ZNF782: variants seen among roughly 807,000 people sequenced by gnomAD.
ZNF782 encodes zinc finger protein 782.
A neutral mutation model predicts 13.0 loss-of-function variants in ZNF782; 12 were observed. The observed-to-expected ratio is 0.92, with a 90% confidence interval of 0.59 to 1.50. The LOEUF is 1.50. ZNF782 is among the 40% of genes most tolerant of loss of function. The pLI is 0.00. For missense variants in ZNF782, 770 were observed against 822.9 expected (o/e 0.94, Z 0.79); for synonymous variants, 284 against 283.0 (o/e 1.00, Z -0.04).
the ZNF782 span, among the ~76,000 whole-genome samples, chr9:96,885,071 T>A: frequency 2.6e-5 from 4 of 151,752 alleles, no homozygotes; most frequent in Non-Finnish European, 4.4e-5. Flanking sequence ...TTAAATAGAA[T>A]TCACAGTCTC....
chr9:96,827,912 A>G (rs1850679399), intron 4 of ZNF782, among the ~76,000 whole-genome samples: 1 of 152,230 alleles, frequency 6.6e-6, no homozygotes, highest in Non-Finnish European at 1.5e-5. Context: ...GAGAGTTGCC[A>G]AACCAGAGCG....
chr9:96,857,670 C>T (rs79040388), upstream of ZNF782, among the ~76,000 whole-genome samples: 1 of 152,152 alleles, frequency 6.6e-6, no homozygotes, highest in Non-Finnish European at 1.5e-5. Flanking sequence ...ACTGCAGGCT[C>T]TCTGAGAACA....
chr9:96,823,760 T>C (rs906134231), intron 5 of ZNF782, among the ~76,000 whole-genome samples: 20 of 152,370 alleles, frequency 1.3e-4, no homozygotes, highest in African/African-American at 3.6e-4. Flanking sequence ...TAGCATTTTC[T>C]CTTAATAGGT....
chr9:96,819,478 G>A lies in ZNF782; in HGVS notation c.545C>T (p.Thr182Ile), dbSNP rs1563993138. The A allele has an allele frequency of 6.2e-7, 1 of 1,613,892 alleles. No homozygotes were observed. The highest frequency in any genetic ancestry group is 2.2e-5 in the East Asian group (1 of 44,876). Reference sequence around the variant, plus strand: ...ACTATAAGCGAAAGATTTCTCTTGAGTGTTAGTTCTGCCATCCTTAATACT... The same window carrying A: ...ACTATAAGCGAAAGATTTCTCTTGAATGTTAGTTCTGCCATCCTTAATACT... The part of the protein sequence containing the change: ...LISIKDGRTN[T>I]QEKSFAYSKI... Residue 182 changes from threonine to isoleucine, a missense_variant, in exon 6 of 6, where the codon ACT (threonine) becomes ATT (isoleucine). Physicochemically the swap from Thr to Ile is moderately conservative, Grantham distance 89. Transcript: ENST00000481138.
At chr9:96,875,701 C>T, upstream of ZNF782, 1 of 418,012 alleles carries the variant, frequency 2.4e-6, no homozygotes, top group South Asian at 1.7e-5. Context: ...ATCCTGGGGT[C>T]CCCCCGGGCT....
chr9:96,822,115 T>C (rs768262995), intron 5 of ZNF782, among the ~76,000 whole-genome samples: 3 of 152,134 alleles, frequency 2.0e-5, no homozygotes, highest in Non-Finnish European at 4.4e-5. Context: ...CAAAATTACC[T>C]CCTCTTTCCT....
intron 5 of ZNF782, among the ~76,000 whole-genome samples, chr9:96,821,083 ATTT>A (rs1850402627): frequency 6.6e-6 from 1 of 152,228 alleles, no homozygotes; most frequent in Non-Finnish European, 1.5e-5. Flanking sequence ...TCCTGTGTAT[ATTT>A]GACTGCTATT....
the ZNF782 span, among the ~76,000 whole-genome samples, chr9:96,899,494 A>G: frequency 1.3e-5 from 2 of 152,228 alleles, no homozygotes; most frequent in East Asian, 3.8e-4. Flanking sequence ...CATAGGTACT[A>G]TATTGGTTCA....
upstream of ZNF782, among the ~76,000 whole-genome samples, chr9:96,857,467 C>A (rs1026163820): frequency 5.3e-5 from 8 of 152,308 alleles, no homozygotes; most frequent in Admixed American, 2.0e-4. Flanking sequence ...ACCTGTCATT[C>A]CTAAGAGTTC....
chr9:96,826,134 G>T (rs1850610819), intron 5 of ZNF782, among the ~76,000 whole-genome samples: 1 of 152,160 alleles, frequency 6.6e-6, no homozygotes, highest in Admixed American at 6.5e-5. Flanking sequence ...CAATAGCAAA[G>T]ACTTGGAACC....
At chr9:96,892,846 T>C in the ZNF782 span, 36 of 152,186 alleles carry the variant, frequency 2.4e-4, no homozygotes, top group Admixed American at 2.1e-3. Context: ...CATGTCTGTA[T>C]TTTTAACAAT....
At chr9:96,852,099 G>A (rs2118812848) in intron 2 of ZNF782, 94 bp from the exon 3 acceptor site, 2 of 778,406 alleles carry the variant, frequency 2.6e-6, no homozygotes, top group Non-Finnish European at 4.3e-6. Context: ...TTGGAGAGCA[G>A]CCTTCCTAAG....
the ZNF782 span, chr9:96,887,336 A>AGGAAGGACGGAC: frequency 6.8e-6 from 1 of 146,098 alleles, no homozygotes; most frequent in African/African-American, 2.5e-5. Flanking sequence ...GAAGGAAGGA[A>AGGAAGGACGGAC]GGAAGAAAGA....
chr9:96,866,370 G>A (rs1851754102), intron 1 of ZNF782, among the ~76,000 whole-genome samples: 3 of 152,310 alleles, frequency 2.0e-5, no homozygotes, highest in Admixed American at 1.3e-4. Context: ...GAGGGTGGAA[G>A]CCCCAAGCCT....
the ZNF782 span, among the ~76,000 whole-genome samples, chr9:96,882,561 AT>A: frequency 1.3e-5 from 2 of 152,146 alleles, no homozygotes; most frequent in Non-Finnish European, 2.9e-5. Context: ...CTCCCATTTT[AT>A]TTAAAAAGGT....
At position 96,852,833 on chromosome 9, in the gene ZNF782, A is replaced by C. The variant is rs1325286990; in HGVS notation, c.-45+20T>G. 1 of 152,684 alleles carries C rather than the reference A, an allele frequency of 6.5e-6. No individual in the cohort carries two copies. Among genetic ancestry groups the C allele is most frequent in the Non-Finnish European group, 1.5e-5 (1 of 68,052 alleles). The allele number at this position is 152,684 out of a possible 1,614,324, so 9.5% of individuals were successfully genotyped here. ...TATTTCTCAAAAGGCCCTTTGGATA[A>C]GATGCTTTTGGTGACTCACCTGTGA... On this transcript the variant is annotated intron_variant, in intron 2 of 5. Coordinates refer to ENST00000481138, the MANE Select transcript of ZNF782 (RefSeq NM_001001662.3).
chr9:96,830,839 A>G (rs1850776135), intron 4 of ZNF782, among the ~76,000 whole-genome samples: 1 of 152,230 alleles, frequency 6.6e-6, no homozygotes, highest in Non-Finnish European at 1.5e-5. Flanking sequence ...AATAAGAAAC[A>G]TGAAACAAAA....
rs1180995093 is a variant in ZNF782 at position 96,851,945 on chromosome 9, A to C, written c.15+2T>G. On this transcript the variant is annotated splice_donor_variant, in intron 3 of 5. Transcript: ENST00000481138. LOFTEE classifies it high-confidence loss of function. ...AAAGTGGGGAATGAATAAAAAGCTT[A>C]CCTGAAATGTGTTCATTTTCTGTGG... The C allele has an allele frequency of 2.0e-5, 33 of 1,613,960 alleles. No individual in the cohort carries two copies. Among genetic ancestry groups the C allele is most frequent in the Non-Finnish European group, 2.3e-5 (27 of 1,179,886 alleles).
At chr9:96,911,308 G>A in the ZNF782 span, among the ~76,000 whole-genome samples, 1 of 143,502 alleles carries the variant, frequency 7.0e-6, no homozygotes, top group Non-Finnish European at 1.5e-5. Context: ...GCGCGGTGGC[G>A]GGCGCCTGTA....
Sources: allele counts gnomAD v4.1 joint callset (sites outside exome capture counted in the v4.1 genomes callset), GRCh38; gene constraint gnomAD v4.1.1; transcripts MANE v1.5; gene names NCBI Gene and HGNC (gene_info 2026-07-23, HGNC 2026-07-21).